The following HS3ST2 variants were observed in gnomAD, a reference collection of about 807,000 sequenced individuals.
The protein encoded by HS3ST2 is heparan sulfate glucosamine 3-O-sulfotransferase 2.
Under a neutral mutation model 26.3 loss-of-function variants are expected in HS3ST2, and 17 were observed. The ratio of observed to expected loss-of-function variants is 0.65; its 90% CI spans 0.44 to 0.97. The LOEUF (loss-of-function observed/expected upper bound fraction) is 0.97, where lower values mean the gene tolerates loss of function less well. Ranked by LOEUF, HS3ST2 falls within the 50% of genes least tolerant of loss-of-function variation. HS3ST2 has a pLI of 0.00. For missense variants in HS3ST2, 402 were observed against 501.2 expected (o/e 0.80, Z 1.89); for synonymous variants, 237 against 219.2 (o/e 1.08, Z -0.72).
chr16:22,875,072 G>A (rs568804744), intron 1 of HS3ST2, among the ~76,000 whole-genome samples: 1 of 152,218 alleles, frequency 6.6e-6, no homozygotes, highest in East Asian at 1.9e-4. Flanking sequence ...CAATTTCAGT[G>A]ATATTGTTGA....
chr16:22,896,347 C>T (rs1419313919), intron 1 of HS3ST2, among the ~76,000 whole-genome samples: 3 of 152,214 alleles, frequency 2.0e-5, no homozygotes, highest in Non-Finnish European at 4.4e-5. Context: ...TTCACAGGCA[C>T]GTTAGCTCTC....
chr16:22,814,931 C>T lies in HS3ST2; in HGVS notation c.321C>T (p.Pro107=). ...RLSGSNHSGS[P]KLGTKRLPQA... ...CCGGTTCCAACCACTCCGGCTCACC[C>T]AAGCTGGGTACCAAGCGGTTGCCCC... The change falls in exon 1 of 2, where the codon CCC becomes CCT. Residue 107 remains proline (P), a synonymous_variant. Transcript: ENST00000261374. The T allele has an allele frequency of 6.2e-7, 1 of 1,606,476 alleles. No homozygotes were observed. Among genetic ancestry groups the T allele is most frequent in the Non-Finnish European group, 8.5e-7 (1 of 1,177,088 alleles).
At chr16:22,838,047 A>C (rs575808897) in intron 1 of HS3ST2, among the ~76,000 whole-genome samples, 2 of 152,330 alleles carry the variant, frequency 1.3e-5, no homozygotes, top group East Asian at 3.9e-4. Context: ...AGTGGAATTC[A>C]AAGAAAAATA....
At chr16:22,912,855 G>A (rs964600570) in intron 1 of HS3ST2, among the ~76,000 whole-genome samples, 1 of 152,018 alleles carries the variant, frequency 6.6e-6, no homozygotes, top group Non-Finnish European at 1.5e-5. Flanking sequence ...ACAGGTGGGC[G>A]TGTCTTGTGG....
chr16:22,908,455 T>C (rs2068299180), intron 1 of HS3ST2, among the ~76,000 whole-genome samples: 1 of 152,178 alleles, frequency 6.6e-6, no homozygotes, highest in African/African-American at 2.4e-5. Context: ...ACAGATTACC[T>C]GAAACTGGAT....
chr16:22,876,860 T>C (rs905192420), intron 1 of HS3ST2, among the ~76,000 whole-genome samples: 20 of 152,330 alleles, frequency 1.3e-4, no homozygotes, highest in African/African-American at 4.8e-4. Context: ...GCCATTATTC[T>C]AAATGAAGTA....
intron 1 of HS3ST2, among the ~76,000 whole-genome samples, chr16:22,831,635 G>C (rs1232393928): frequency 6.6e-6 from 1 of 151,552 alleles, no homozygotes; most frequent in Non-Finnish European, 1.5e-5. Context: ...CCGATGAGAA[G>C]TCTTTGTTTA....
At chr16:22,857,784 C>T (rs1420702385) in intron 1 of HS3ST2, among the ~76,000 whole-genome samples, 5 of 152,084 alleles carry the variant, frequency 3.3e-5, no homozygotes, top group African/African-American at 4.8e-5. Flanking sequence ...AGGCTGGAGC[C>T]CAATTATGGC....
intron 1 of HS3ST2, among the ~76,000 whole-genome samples, chr16:22,832,858 T>C (rs1901195094): frequency 6.6e-6 from 1 of 151,676 alleles, no homozygotes; most frequent in African/African-American, 2.4e-5. Context: ...CCAGACAGCC[T>C]CAGGACTGAG....
chr16:22,904,098 G>A (rs1251615872), intron 1 of HS3ST2, among the ~76,000 whole-genome samples: 8 of 152,158 alleles, frequency 5.3e-5, no homozygotes, highest in Admixed American at 4.6e-4. Flanking sequence ...CTGAATACCT[G>A]AGGACCTATG....
rs773751337 is a variant in HS3ST2, at chr16:22,915,445, A to G, written c.987A>G (p.Ser329=). The part of the protein sequence containing the change: ...SSLLPRCLGK[S]KGRTHVQIDP... ...TCCTGCCTCGATGCTTGGGCAAATC[A>G]AAAGGGAGAACTCATGTACAGATTG... Residue 329 remains serine, a synonymous_variant, in exon 2 of 2, where the codon TCA becomes TCG. Coordinates refer to ENST00000261374, the MANE Select transcript of HS3ST2 (RefSeq NM_006043.2). 6.2e-7 allele frequency: 1 copy of G among 1,614,096 alleles called. No individual in the cohort carries two copies. Among genetic ancestry groups the G allele is most frequent in the South Asian group, 1.1e-5 (1 of 91,074 alleles).
intron 1 of HS3ST2, among the ~76,000 whole-genome samples, chr16:22,883,647 A>G (rs1902022711): frequency 6.6e-6 from 1 of 152,210 alleles, no homozygotes; most frequent in African/African-American, 2.4e-5. Context: ...GCTAAACTGT[A>G]CACTTCCCTT....
At chr16:22,842,331 G>A (rs544462947) in intron 1 of HS3ST2, among the ~76,000 whole-genome samples, 5 of 152,094 alleles carry the variant, frequency 3.3e-5, no homozygotes, top group Non-Finnish European at 5.9e-5. Flanking sequence ...CCAAAGTGCT[G>A]GGATTGCAGG....
intron 1 of HS3ST2, among the ~76,000 whole-genome samples, chr16:22,866,079 G>A (rs140844183): frequency 3.9e-5 from 6 of 152,158 alleles, no homozygotes; most frequent in Non-Finnish European, 7.4e-5. Context: ...TATGTTTAAG[G>A]CAGCATTTAA....
At chr16:22,865,128 T>C (rs968034568) in intron 1 of HS3ST2, among the ~76,000 whole-genome samples, 2 of 151,732 alleles carry the variant, frequency 1.3e-5, no homozygotes, top group Admixed American at 6.6e-5. Flanking sequence ...TGCAGATTTT[T>C]TGAAAAATTA....
chr16:22,898,349 C>G, intron 1 of HS3ST2, among the ~76,000 whole-genome samples: 1 of 152,142 alleles, frequency 6.6e-6, no homozygotes, highest in East Asian at 1.9e-4. Flanking sequence ...CTGATGGGGT[C>G]CACAGTCTAA....
At chr16:22,838,270 A>G (rs1420180202) in intron 1 of HS3ST2, among the ~76,000 whole-genome samples, 1 of 152,106 alleles carries the variant, frequency 6.6e-6, no homozygotes, top group African/African-American at 2.4e-5. Context: ...CTGAGGATGT[A>G]CAATTCCACG....
At chr16:22,911,042 C>T (rs1419833609) in intron 1 of HS3ST2, among the ~76,000 whole-genome samples, 3 of 152,042 alleles carry the variant, frequency 2.0e-5, no homozygotes, top group African/African-American at 7.3e-5. Flanking sequence ...GAATTTGAAA[C>T]ATTTACTATG....
At chr16:22,852,949 G>A (rs2369691) in intron 1 of HS3ST2, among the ~76,000 whole-genome samples, 8,091 of 152,066 alleles carry the variant, frequency 0.053, 460 homozygotes, top group African/African-American at 0.14. Flanking sequence ...CTAATCTCAC[G>A]AAAGAAATTA....
Sources: gnomAD v4.1 joint callset for allele counts (sites outside exome capture counted in the v4.1 genomes callset) on GRCh38, gnomAD v4.1.1 for gene constraint, MANE v1.5 for transcripts, NCBI Gene and HGNC (gene_info 2026-07-23, HGNC 2026-07-21) for gene names.